Variants in SGPL1 observed in about 807,000 individuals in gnomAD.
SGPL1 encodes the protein sphingosine-1-phosphate lyase 1.
In SGPL1, 37 loss-of-function variants were observed where a neutral mutation model predicts 68.9. The ratio of observed to expected loss-of-function variants is 0.54; its 90% CI spans 0.41 to 0.71. The LOEUF (loss-of-function observed/expected upper bound fraction) is 0.71, where lower values mean the gene tolerates loss of function less well. Ranked by LOEUF, SGPL1 falls within the 30% of genes least tolerant of loss-of-function variation. SGPL1 has a pLI of 0.00. For synonymous variants in SGPL1, 236 were observed against 248.5 expected, an observed-to-expected ratio of 0.95 and a Z score of 0.47; for missense variants, 551 against 704.6, an observed-to-expected ratio of 0.78 and a Z score of 2.47.
intron 3 of SGPL1, among the ~76,000 whole-genome samples, chr10:70,846,854 A>T (rs1564623513): frequency 6.6e-6 from 1 of 152,180 alleles, no homozygotes. Context: ...GAAATGGGTA[A>T]ATTGAGCTAA....
chr10:70,841,106 C>CTT (rs1293840581), intron 2 of SGPL1, among the ~76,000 whole-genome samples: 3 of 152,102 alleles, frequency 2.0e-5, no homozygotes, highest in Admixed American at 1.3e-4. Flanking sequence ...TCATGACATA[C>CTT]TTTTGATGAT....
chr10:70,838,072 A>C lies in SGPL1; in HGVS notation c.28-6401A>C, dbSNP rs544733450. Among the ~76,000 whole-genome samples, 11 of 152,244 alleles carry C rather than the reference A, an allele frequency of 7.2e-5. No individual in the cohort carries two copies. In the East Asian group the frequency reaches 1.9e-3, roughly 27 times the overall value. ...CTCAACACTGTTACAATGGCAATTA[A>C]ATTTCAACGTGAGTTTTAGGGGGGA... On this transcript the variant is annotated intron_variant, in intron 2 of 14. Coordinates refer to ENST00000373202, the MANE Select transcript of SGPL1 (RefSeq NM_003901.4).
rs1378251799 is a variant in SGPL1, at chr10:70,869,897, G to C, written c.810G>C (p.Arg270=). The change falls in exon 9 of 15, where the codon CGG becomes CGC. Residue 270 remains arginine, a splice_region_variant and synonymous_variant. Coordinates refer to ENST00000373202, the MANE Select transcript of SGPL1 (RefSeq NM_003901.4). ...CGAAGATGATGGAGGTGGATGTGCG[G>C]GTGAGTCCCTCTGGAGGGCCCACTG... ...PLTKMMEVDV[R]AMRRAISRNT... The C allele has an allele frequency of 4.3e-6, 7 of 1,613,066 alleles. No individual in the cohort carries two copies. The highest frequency in any genetic ancestry group is 5.9e-6 in the Non-Finnish European group (7 of 1,179,334).
Position 70,879,538 on chromosome 10 carries a change from T to G in SGPL1, c.*2203T>G, listed in dbSNP as rs1846463970. 6.6e-6 allele frequency: 1 copy of G among 152,522 alleles called. No individual in the cohort carries two copies. The highest frequency in any genetic ancestry group is 6.6e-5 in the Admixed American group (1 of 15,264). The allele number at this position is 152,522 out of a possible 1,614,324, so 9.4% of individuals were successfully genotyped here. A position where few individuals can be genotyped will look rare whatever the true frequency, so the allele number is the denominator to read the frequency against. The stretch of plus-strand genomic sequence containing the variant: ...TCAGAGCTGTTTGGTCAGTGCATTA[T>G]GTTGAATGAGGTCCAGGAACCCAGA... On this transcript the variant is annotated 3_prime_UTR_variant, in exon 15 of 15. Coordinates refer to ENST00000373202, the MANE Select transcript of SGPL1 (RefSeq NM_003901.4).
chr10:70,867,119 A>G (rs759976962), intron 7 of SGPL1, among the ~76,000 whole-genome samples: 1 of 152,236 alleles, frequency 6.6e-6, no homozygotes, highest in Non-Finnish European at 1.5e-5. Context: ...AGAGATGGTA[A>G]GTCTAAGAAG....
At chr10:70,848,534 G>A (rs1845827780) in intron 3 of SGPL1, among the ~76,000 whole-genome samples, 1 of 131,904 alleles carries the variant, frequency 7.6e-6, no homozygotes, top group African/African-American at 2.9e-5. Flanking sequence ...GCACGATCTC[G>A]GCTCACTGCA....
chr10:70,854,626 C>T, intron 4 of SGPL1, 82 bp from the exon 5 acceptor site: 1 of 1,187,332 alleles, frequency 8.4e-7, no homozygotes, highest in Non-Finnish European at 1.2e-6. Flanking sequence ...TAGCATTGAG[C>T]AGTTGCTTGA....
At chr10:70,837,381 T>C (rs982410822) in intron 2 of SGPL1, among the ~76,000 whole-genome samples, 1 of 152,222 alleles carries the variant, frequency 6.6e-6, no homozygotes, top group African/African-American at 2.4e-5. Flanking sequence ...CCTGGCCAAA[T>C]TAAAAAGTTA....
intron 7 of SGPL1, among the ~76,000 whole-genome samples, chr10:70,863,451 C>T (rs2131923977): frequency 6.6e-6 from 1 of 152,112 alleles, no homozygotes; most frequent in East Asian, 1.9e-4. Flanking sequence ...TGGCTTCAGT[C>T]ATGGTTCCTT....
At chr10:70,860,636 TC>T (rs1846037102) in intron 7 of SGPL1, 1 of 326,204 alleles carries the variant, frequency 3.1e-6, no homozygotes, top group Admixed American at 4.3e-5. Context: ...GCCATTAGAC[TC>T]TTGAAGAACT....
At position 70,844,550 on chromosome 10, in the gene SGPL1, C is replaced by G; in HGVS notation, c.105C>G (p.Thr35=). The G allele has an allele frequency of 6.2e-7, 1 of 1,614,004 alleles. No homozygotes were observed. The change falls in exon 3 of 15, where the codon ACC becomes ACG. Residue 35 remains threonine, a synonymous_variant. Coordinates refer to ENST00000373202, the MANE Select transcript of SGPL1 (RefSeq NM_003901.4). ...AGAATTATGTAAATGGACATTGCAC[C>G]AAGTATGAGCCCTGGCAGCTAATTG... ...KAKNYVNGHC[T]KYEPWQLIAW...
intron 7 of SGPL1, among the ~76,000 whole-genome samples, chr10:70,865,120 T>G (rs990310143): frequency 3.3e-5 from 5 of 152,150 alleles, no homozygotes; most frequent in Non-Finnish European, 7.3e-5. Flanking sequence ...AAAGGAAAAT[T>G]CTCAGGATTT....
intron 5 of SGPL1, chr10:70,857,082 C>T (rs79178266): frequency 0.012 from 1,846 of 154,836 alleles, 32 homozygotes; most frequent in African/African-American, 0.041. Context: ...CGTCTGAGAC[C>T]GGGGTGCTCA....
Position 70,873,574 on chromosome 10 carries a change from G to T in SGPL1, c.1283G>T (p.Arg428Leu). 6.2e-7 allele frequency: 1 copy of T among 1,612,554 alleles called. No homozygotes were observed. The change falls in exon 12 of 15, where the codon CGC (arginine) becomes CTC (leucine). Residue 428 changes from arginine (R) to leucine (L), a missense_variant. Arg to Leu is a moderately radical substitution (Grantham distance 102, BLOSUM62 -2). Coordinates refer to ENST00000373202, the MANE Select transcript of SGPL1 (RefSeq NM_003901.4). ...EATKQIIKTA[R>L]FLKSELENIK... ...ACCAAACAGATCATCAAAACTGCTC[G>T]CTTCCTCAAGTCAGAGTATGTGTGG...
intron 10 of SGPL1, 102 bp from the exon 11 acceptor site, chr10:70,871,735 A>C (rs1846300725): frequency 4.5e-6 from 5 of 1,102,456 alleles, no homozygotes. Flanking sequence ...CATAATACAA[A>C]ATAGCCTTGT....
intron 2 of SGPL1, among the ~76,000 whole-genome samples, chr10:70,824,089 T>A (rs565345306): frequency 3.5e-4 from 54 of 152,362 alleles, no homozygotes; most frequent in Admixed American, 1.8e-3. Flanking sequence ...AAGCAGAATC[T>A]GTTCCTATCA....
intron 4 of SGPL1, 102 bp downstream of exon 4, chr10:70,851,312 G>T (rs1300688074): frequency 7.9e-6 from 8 of 1,006,464 alleles, no homozygotes; most frequent in South Asian, 1.4e-5. Context: ...GGGTGATTTT[G>T]TCTCTTACCT....
Position 70,854,812 on chromosome 10 carries a change from C to G in SGPL1, c.366C>G (p.Ser122Arg). ...AAGCTTTACCCTCCCAGGGTCTGAGCTCATCTGCTGTTTTGGAGAAACTTA... is the reference window on the plus strand; with the variant it reads ...AAGCTTTACCCTCCCAGGGTCTGAGGTCATCTGCTGTTTTGGAGAAACTTA... ...YVKALPSQGL[S>R]SSAVLEKLKE... The change falls in exon 5 of 15, where the codon AGC becomes AGG. Residue 122 changes from serine to arginine, a missense_variant. By Grantham distance (110) the Ser-to-Arg change is moderately radical (BLOSUM62 -1). Coordinates refer to ENST00000373202, the MANE Select transcript of SGPL1 (RefSeq NM_003901.4). 1.9e-6 allele frequency: 3 copies of G among 1,613,616 alleles called. No homozygotes were observed. Among genetic ancestry groups the G allele is most frequent in the Non-Finnish European group, 2.5e-6 (3 of 1,179,812 alleles).
intron 2 of SGPL1, among the ~76,000 whole-genome samples, chr10:70,835,735 C>CAAAAAAAAAAAAAAAAAAAAAAAAA (rs66962270): frequency 1.6e-4 from 11 of 70,148 alleles, no homozygotes; most frequent in African/African-American, 6.5e-4. Flanking sequence ...GACTCCGTCT[C>CAAAAAAAAAAAAAAAAAAAAAAAAA]AAAAAAAAAA....
Sources: gnomAD v4.1 joint callset for allele counts (sites outside exome capture counted in the v4.1 genomes callset) on GRCh38, gnomAD v4.1.1 for gene constraint, MANE v1.5 for transcripts, NCBI Gene and HGNC (gene_info 2026-07-23, HGNC 2026-07-21) for gene names.